The following ERC2 variants were observed in gnomAD, a reference collection of about 807,000 sequenced individuals.
ERC2 encodes the protein ERC protein 2.
A neutral mutation model predicts 114.8 loss-of-function variants in ERC2; 42 were observed. That is an observed-to-expected ratio of 0.37 (90% confidence interval 0.29 to 0.47). The LOEUF is 0.47. ERC2 is among the 20% of genes least tolerant of loss of function. ERC2 has a pLI of 0.99. For missense variants in ERC2, 939 were observed against 1,150.7 expected, an observed-to-expected ratio of 0.82 and a Z score of 2.66; for synonymous variants, 454 against 425.5, an observed-to-expected ratio of 1.07 and a Z score of -0.82.
chr3:56,256,167 G>A (rs749536118), intron 3 of ERC2, among the ~76,000 whole-genome samples: 16 of 152,160 alleles, frequency 1.1e-4, no homozygotes, highest in Non-Finnish European at 2.1e-4. Flanking sequence ...CCCTTCCACA[G>A]AACGAAAGAA....
intron 12 of ERC2, among the ~76,000 whole-genome samples, chr3:55,964,792 A>G (rs2068629948): frequency 6.6e-6 from 1 of 152,158 alleles, no homozygotes; most frequent in Admixed American, 6.5e-5. Flanking sequence ...TGTGCTTCCA[A>G]GCTCATTCAG....
chr3:56,099,647 G>A (rs2078246540), intron 6 of ERC2, among the ~76,000 whole-genome samples: 1 of 152,208 alleles, frequency 6.6e-6, no homozygotes, highest in South Asian at 2.1e-4. Flanking sequence ...GGGGCCATGT[G>A]CGAGTTGCCA....
intron 17 of ERC2, among the ~76,000 whole-genome samples, chr3:55,633,235 C>G (rs1028245497): frequency 6.6e-6 from 1 of 152,192 alleles, no homozygotes; most frequent in Non-Finnish European, 1.5e-5. Context: ...CCTAGGAACA[C>G]CCCCAGCAAC....
intron 13 of ERC2, among the ~76,000 whole-genome samples, chr3:55,912,338 T>C (rs964081305): frequency 2.0e-5 from 3 of 152,164 alleles, no homozygotes; most frequent in South Asian, 2.1e-4. Flanking sequence ...AGATATTAAA[T>C]CAACCCATCA....
intron 17 of ERC2, among the ~76,000 whole-genome samples, chr3:55,566,233 A>G (rs2056365329): frequency 6.6e-6 from 1 of 152,230 alleles, no homozygotes; most frequent in Non-Finnish European, 1.5e-5. Flanking sequence ...TTGTATAGGT[A>G]CATGAAGAAT....
intron 14 of ERC2, among the ~76,000 whole-genome samples, chr3:55,830,310 T>A (rs1235649181): frequency 6.6e-6 from 1 of 152,064 alleles, no homozygotes; most frequent in Non-Finnish European, 1.5e-5. Context: ...GCAGACCTAC[T>A]CTAAAAAAAT....
intron 2 of ERC2, among the ~76,000 whole-genome samples, chr3:56,428,731 G>A (rs925925646): frequency 6.6e-6 from 1 of 152,154 alleles, no homozygotes; most frequent in Admixed American, 6.5e-5. Context: ...TATTAATATT[G>A]ATTTAGAGTA....
At chr3:56,460,173 G>T (rs1297031871) in intron 1 of ERC2, among the ~76,000 whole-genome samples, 1 of 152,208 alleles carries the variant, frequency 6.6e-6, no homozygotes, top group Non-Finnish European at 1.5e-5. Flanking sequence ...CACAAAGAAG[G>T]CTCGGCCCTG....
chr3:55,766,055 A>G (rs2067761582), intron 14 of ERC2, among the ~76,000 whole-genome samples: 1 of 152,236 alleles, frequency 6.6e-6, no homozygotes, highest in South Asian at 2.1e-4. Context: ...GCCTGGGCCA[A>G]GTCCCAGGAC....
At chr3:56,403,548 C>G (rs2060598831) in intron 2 of ERC2, among the ~76,000 whole-genome samples, 1 of 152,184 alleles carries the variant, frequency 6.6e-6, no homozygotes, top group Non-Finnish European at 1.5e-5. Context: ...GTGTGGTCCA[C>G]GGACCGGCAG....
chr3:56,109,602 G>A (rs1468548517), intron 6 of ERC2, among the ~76,000 whole-genome samples: 1 of 152,158 alleles, frequency 6.6e-6, no homozygotes, highest in Non-Finnish European at 1.5e-5. Context: ...AGAATATGAT[G>A]CAGCAGTGAA....
intron 9 of ERC2, among the ~76,000 whole-genome samples, chr3:56,008,068 A>G (rs1487749053): frequency 6.6e-6 from 1 of 152,164 alleles, no homozygotes; most frequent in Non-Finnish European, 1.5e-5. Flanking sequence ...CTAAAAGAGC[A>G]ATGTTTGTCA....
In ERC2 at chr3:56,163,035, GCT is replaced by G. The variant is rs2082137669; in HGVS notation, c.1149+10409_1149+10410del. On this transcript the variant is annotated intron_variant, in intron 4 of 17. Transcript: ENST00000288221. ...AAACTTTCCTCTTAACACTGCTTTT[GCT>G]CTGTCCCAGAGCTTTTGGTATCTTG... Among the ~76,000 whole-genome samples, 4 of 151,956 alleles carry G rather than the reference GCT, an allele frequency of 2.6e-5. No individual in the cohort carries two copies. The South Asian group carries it at 8.3e-4, about 32-fold the overall frequency.
chr3:55,978,896 C>A (rs1304300853), intron 12 of ERC2, among the ~76,000 whole-genome samples: 1 of 152,116 alleles, frequency 6.6e-6, no homozygotes, highest in African/African-American at 2.4e-5. Flanking sequence ...CAAGTGAAAT[C>A]CTAGAACACT....
chr3:55,646,040 G>T (rs1406990452), intron 17 of ERC2, among the ~76,000 whole-genome samples: 2 of 152,196 alleles, frequency 1.3e-5, no homozygotes, highest in Non-Finnish European at 2.9e-5. Context: ...AGTGGAAAAT[G>T]AGGCCCACAT....
At chr3:56,188,482 C>T (rs573450516) in intron 3 of ERC2, among the ~76,000 whole-genome samples, 61 of 152,278 alleles carry the variant, frequency 4.0e-4, no homozygotes, top group African/African-American at 1.2e-3. Context: ...GAGCAGAGGG[C>T]GGCTCCTACA....
At chr3:55,757,764 A>T (rs2067152455) in intron 14 of ERC2, among the ~76,000 whole-genome samples, 2 of 152,170 alleles carry the variant, frequency 1.3e-5, no homozygotes, top group Admixed American at 1.3e-4. Flanking sequence ...GGTTATTACC[A>T]CTTACATAAA....
At chr3:55,517,420 C>G (rs1456292647) in intron 17 of ERC2, among the ~76,000 whole-genome samples, 2 of 135,128 alleles carry the variant, frequency 1.5e-5, no homozygotes, top group African/African-American at 5.6e-5. Context: ...ACACTCCAGC[C>G]TGGGTGACGG....
chr3:56,336,763 C>T (rs77245136), intron 2 of ERC2, among the ~76,000 whole-genome samples: 6,310 of 152,276 alleles, frequency 0.041, 189 homozygotes, highest in African/African-American at 0.075. Context: ...CGCCACTGCA[C>T]TCTAGCCTGG....
Sources: gnomAD v4.1 joint callset for allele counts (sites outside exome capture counted in the v4.1 genomes callset) on GRCh38, gnomAD v4.1.1 for gene constraint, MANE v1.5 for transcripts, NCBI Gene and HGNC (gene_info 2026-07-23, HGNC 2026-07-21) for gene names.